Variants in DESI1 observed in about 807,000 individuals in gnomAD.
DESI1 encodes PPPDE peptidase domain containing 2.
A neutral mutation model predicts 22.4 loss-of-function variants in DESI1; 17 were observed. That is an observed-to-expected ratio of 0.76 (90% CI 0.52 to 1.14). The LOEUF is 1.14. Ranked by LOEUF, DESI1 falls within the 50% of genes most tolerant of loss-of-function variation. DESI1 has a pLI of 0.00. For missense variants in DESI1, 177 were observed against 208.9 expected, an observed-to-expected ratio of 0.85 and a Z score of 0.94; for synonymous variants, 92 against 84.2, an observed-to-expected ratio of 1.09 and a Z score of -0.51.
chr22:41,620,497 AG>A (rs1444765518), intron 1 of DESI1, among the ~76,000 whole-genome samples: 3 of 152,128 alleles, frequency 2.0e-5, no homozygotes, highest in African/African-American at 7.2e-5. Context: ...TTTCTGCCCA[AG>A]CCCCCTGCAA....
intron 1 of DESI1, among the ~76,000 whole-genome samples, chr22:41,618,576 T>C (rs2067563779): frequency 6.6e-6 from 1 of 152,204 alleles, no homozygotes; most frequent in African/African-American, 2.4e-5. Context: ...AGACGCTCAA[T>C]AAACATCTGC....
intron 3 of DESI1, among the ~76,000 whole-genome samples, chr22:41,605,633 T>G (rs1300312188): frequency 6.6e-6 from 1 of 152,184 alleles, no homozygotes; most frequent in East Asian, 1.9e-4. Context: ...ATAACAACTA[T>G]GGATTGAGAA....
Position 41,610,075 on chromosome 22 carries a change from T to C in DESI1, c.89-2214A>G, listed in dbSNP as rs867511535. Among the ~76,000 whole-genome samples the C allele has an allele frequency of 2.0e-4, 17 of 83,298 alleles. 1 individual carries two copies. The South Asian group carries it at 7.1e-3, about 35-fold the overall frequency. The allele number at this position is 83,298 out of a possible 152,430, so 54.6% of individuals were successfully genotyped here. On this transcript the variant is annotated intron_variant, in intron 1 of 5. Transcript: ENST00000263256. ...AGCCTGGGCAACAAGAGCAAAACTC[T>C]ATCTTAAAAAAAAAAAAAAAAAAAG...
chr22:41,615,608 C>A (rs1395504537), intron 1 of DESI1, among the ~76,000 whole-genome samples: 1 of 152,094 alleles, frequency 6.6e-6, no homozygotes. Flanking sequence ...ACAGAAAAAA[C>A]CTCTCTCAGA....
In DESI1 at chr22:41,601,168, G is replaced by T. The variant is rs1466146325; in HGVS notation, c.436C>A (p.Pro146Thr). 5 of 1,611,554 alleles carry T rather than the reference G, an allele frequency of 3.1e-6. No homozygotes were observed. Among genetic ancestry groups the T allele is most frequent in the Non-Finnish European group, 4.2e-6 (5 of 1,179,086 alleles). Residue 146 changes from proline to threonine, a missense_variant, in exon 6 of 6, where the codon CCC becomes ACC. Physicochemically the swap from Pro to Thr is conservative, Grantham distance 38. Coordinates refer to ENST00000263256, the MANE Select transcript of DESI1 (RefSeq NM_015704.3). ...TGGATCTGAATGGAGTCCAGGAGGG[G>T]CCGAAGTGCCTGTCCAAAGGGCCTG... ...LSTPFGQALR[P>T]LLDSIQIQPP...
intron 3 of DESI1, among the ~76,000 whole-genome samples, chr22:41,606,631 G>A (rs1467318755): frequency 1.3e-5 from 2 of 152,010 alleles, no homozygotes; most frequent in South Asian, 4.2e-4. Context: ...AAAATTAGCT[G>A]GGTGTAGTGG....
intron 1 of DESI1, among the ~76,000 whole-genome samples, chr22:41,619,985 G>A (rs2067575230): frequency 6.6e-6 from 1 of 152,178 alleles, no homozygotes; most frequent in South Asian, 2.1e-4. Context: ...CACTGAATGA[G>A]GGCTGGTTTT....
At chr22:41,606,745 G>T (rs1287497437) in intron 3 of DESI1, among the ~76,000 whole-genome samples, 1 of 117,972 alleles carries the variant, frequency 8.5e-6, no homozygotes, top group Non-Finnish European at 1.6e-5. Context: ...CTGCACTTCA[G>T]TCTGGGCGAC....
At chr22:41,603,935 A>C in intron 4 of DESI1, 109 bp downstream of exon 4, 1 of 945,682 alleles carries the variant, frequency 1.1e-6, no homozygotes, top group Non-Finnish European at 1.5e-6. Context: ...AAACTGGGCC[A>C]GGCCTTGTGC....
At chr22:41,613,425 G>A (rs891650648) in intron 1 of DESI1, among the ~76,000 whole-genome samples, 3 of 152,174 alleles carry the variant, frequency 2.0e-5, no homozygotes, top group Non-Finnish European at 4.4e-5. Flanking sequence ...TTTTATAGTT[G>A]TTCTCATAGT....
chr22:41,616,833 T>C (rs2067554068), intron 1 of DESI1, among the ~76,000 whole-genome samples: 1 of 152,152 alleles, frequency 6.6e-6, no homozygotes, highest in Non-Finnish European at 1.5e-5. Context: ...AGGCTAAAAC[T>C]ACGGAATTTA....
intron 1 of DESI1, among the ~76,000 whole-genome samples, chr22:41,611,329 C>T (rs2067515782): frequency 6.6e-6 from 1 of 152,124 alleles, no homozygotes; most frequent in African/African-American, 2.4e-5. Context: ...GATTGGGTTT[C>T]ACCATGTTGC....
chr22:41,603,247 G>A lies in DESI1; in HGVS notation c.413+12C>T. 3 of 1,614,136 alleles carry A rather than the reference G, an allele frequency of 1.9e-6. No individual in the cohort carries two copies. The highest frequency in any genetic ancestry group is 2.5e-6 in the Non-Finnish European group (3 of 1,179,992). On this transcript the variant is annotated intron_variant, in intron 5 of 5. Coordinates refer to ENST00000263256, the MANE Select transcript of DESI1 (RefSeq NM_015704.3). ...TGGCCAAGGCAGGGGCAGGGACAGA[G>A]GCCACACTTACGTGGAGAGAACTTC... is the stretch of plus-strand genomic sequence containing the variant.
At chr22:41,616,549 C>T (rs1466302379) in intron 1 of DESI1, among the ~76,000 whole-genome samples, 1 of 151,774 alleles carries the variant, frequency 6.6e-6, no homozygotes, top group African/African-American at 2.4e-5. Context: ...CACACACACA[C>T]ACACACACAC....
At chr22:41,614,590 C>CTTCTTTTTTTT (rs2067538464) in intron 1 of DESI1, among the ~76,000 whole-genome samples, 1 of 85,748 alleles carries the variant, frequency 1.2e-5, no homozygotes, top group Non-Finnish European at 2.2e-5. Flanking sequence ...GGCCTACATC[C>CTTCTTTTTTTT]TTTTTTTTTT....
intron 1 of DESI1, among the ~76,000 whole-genome samples, chr22:41,610,447 C>A (rs1370379174): frequency 6.6e-6 from 1 of 151,928 alleles, no homozygotes; most frequent in Non-Finnish European, 1.5e-5. Flanking sequence ...CAACATCCAG[C>A]AAATTAATAT....
At chr22:41,603,118 C>T (rs1398969725) in intron 5 of DESI1, 141 bp downstream of exon 5, 12 of 1,275,552 alleles carry the variant, frequency 9.4e-6, no homozygotes, top group Admixed American at 2.1e-5. Context: ...GAGAGAATGG[C>T]AGCCTTCTGT....
At chr22:41,608,753 G>C (rs930433364) in intron 1 of DESI1, among the ~76,000 whole-genome samples, 1 of 152,066 alleles carries the variant, frequency 6.6e-6, no homozygotes, top group Non-Finnish European at 1.5e-5. Flanking sequence ...GAATTGGAGG[G>C]AAGAGAGCAG....
intron 5 of DESI1, chr22:41,602,467 G>C (rs2067454596): frequency 1.0e-6 from 1 of 985,334 alleles, no homozygotes; most frequent in Non-Finnish European, 1.2e-6. Flanking sequence ...GCTCTTCCTG[G>C]GAGGTGCTTC....
Sources: gnomAD v4.1 joint callset for allele counts (sites outside exome capture counted in the v4.1 genomes callset) on GRCh38, gnomAD v4.1.1 for gene constraint, MANE v1.5 for transcripts, NCBI Gene and HGNC (gene_info 2026-07-23, HGNC 2026-07-21) for gene names.